Variants in GATC observed in about 807,000 individuals in gnomAD.
The protein encoded by GATC is glutamyl-tRNA(Gln) amidotransferase subunit C, mitochondrial.
A neutral mutation model predicts 14.4 loss-of-function variants in GATC; 11 were observed. That is an observed-to-expected ratio of 0.77 (90% confidence interval 0.48 to 1.27). The LOEUF (loss-of-function observed/expected upper bound fraction) is 1.27. Ranked by LOEUF, GATC falls within the 50% of genes most tolerant of loss-of-function variation. The pLI, the probability that GATC is intolerant of heterozygous loss-of-function variation, is 0.00. For synonymous variants in GATC, 76 were observed against 79.3 expected, an observed-to-expected ratio of 0.96 and a Z score of 0.22; for missense variants, 204 against 183.0, an observed-to-expected ratio of 1.11 and a Z score of -0.66.
In GATC at chr12:120,457,104, G is replaced by A. The variant is rs1878205976; in HGVS notation, c.283G>A (p.Val95Ile). ...RCLYLRSDNV[V>I]EGNCADELLQ... ...TCTATACCTGAGATCCGACAATGTG[G>A]TAGAAGGCAACTGTGCTGATGAATT... The change falls in exon 3 of 4, where the codon GTA (valine) becomes ATA (isoleucine). Residue 95 changes from valine (V) to isoleucine (I), a missense_variant. Coordinates refer to ENST00000551765, the MANE Select transcript of GATC (RefSeq NM_176818.3). 2.5e-6 allele frequency: 4 copies of A among 1,613,852 alleles called. No individual in the cohort carries two copies. The highest frequency in any genetic ancestry group is 2.5e-6 in the Non-Finnish European group (3 of 1,179,892).
At chr12:120,449,002 G>A (rs1371717053) in intron 2 of GATC, among the ~76,000 whole-genome samples, 9 of 146,098 alleles carry the variant, frequency 6.2e-5, no homozygotes, top group Non-Finnish European at 1.2e-4. Flanking sequence ...TCGCTCTGTC[G>A]CTGAGGCTGG....
At position 120,461,335 on chromosome 12, in the gene GATC, C is replaced by T. The variant is rs1271769632; in HGVS notation, c.*1376C>T. ...CGTGAACTCCTGGCCTCAAGGGATC[C>T]TCTGGCATGCCTTGGCCTCCCAAAG... On this transcript the variant is annotated 3_prime_UTR_variant, in exon 4 of 4. Transcript: ENST00000551765. The T allele has an allele frequency of 3.3e-5, 5 of 152,094 alleles. No individual in the cohort carries two copies. The highest frequency in any genetic ancestry group is 5.9e-5 in the Non-Finnish European group (4 of 68,012). 9.4% of individuals were successfully genotyped at this position (152,094 alleles called of 1,614,324 possible). A position where few individuals can be genotyped will look rare whatever the true frequency, so the allele number is the denominator to read the frequency against.
Position 120,446,514 on chromosome 12 carries a change from GC to G in GATC, c.38del (p.Pro13LeufsTer24). 1 of 1,605,412 alleles carries G rather than the reference GC, an allele frequency of 6.2e-7. No individual in the cohort carries two copies. On this transcript the variant is annotated frameshift_variant, in exon 1 of 4. Transcript: ENST00000551765. LOFTEE classifies it high-confidence loss of function. Reference sequence around the variant, plus strand: ...GCGGTTGGTGTGGCTGGGCCTTCGGGCCCCTCTGGGCGGGCGCCAGGGCTTC... The same window carrying G: ...GCGGTTGGTGTGGCTGGGCCTTCGGGCCCTCTGGGCGGGCGCCAGGGCTTC... ...WSRLVWLGLR[A>X]PLGGRQGFTS...
chr12:120,462,470 A>C lies in GATC; in HGVS notation c.*2511A>C. The C allele has an allele frequency of 4.5e-6, 1 of 224,522 alleles. No homozygotes were observed. Among genetic ancestry groups the C allele is most frequent in the Non-Finnish European group, 8.9e-6 (1 of 112,388 alleles). The allele number at this position is 224,522 out of a possible 1,614,324, so 13.9% of individuals were successfully genotyped here. On this transcript the variant is annotated 3_prime_UTR_variant, in exon 4 of 4. Coordinates refer to ENST00000551765, the MANE Select transcript of GATC (RefSeq NM_176818.3). Reference sequence around the variant, plus strand: ...CAATATATCTGAATTACTGCCATTGACCCCCCTCAAAGCTAAGAACTGGAA... The same window carrying C: ...CAATATATCTGAATTACTGCCATTGCCCCCCCTCAAAGCTAAGAACTGGAA...
rs1244259147 is a variant in GATC at position 120,460,230 on chromosome 12, A to G, written c.*271A>G. The G allele has an allele frequency of 1.4e-5, 4 of 295,320 alleles. No individual in the cohort carries two copies. Among genetic ancestry groups the G allele is most frequent in the African/African-American group, 2.2e-5 (1 of 44,892 alleles). 18.3% of individuals were successfully genotyped at this position (295,320 alleles called of 1,614,324 possible). A position where few individuals can be genotyped will look rare whatever the true frequency, so the allele number is the denominator to read the frequency against. ...AACAGGCCTGTTCAGTATGGAAGAC[A>G]TTATTTATCTGCCTTTAACTCCCCC... On this transcript the variant is annotated 3_prime_UTR_variant, in exon 4 of 4. Coordinates refer to ENST00000551765, the MANE Select transcript of GATC (RefSeq NM_176818.3).
At chr12:120,451,916 C>T (rs1207404520) in intron 2 of GATC, among the ~76,000 whole-genome samples, 3 of 107,602 alleles carry the variant, frequency 2.8e-5, no homozygotes, top group African/African-American at 7.6e-5. Context: ...CTCACTCTGT[C>T]GTCCAGGCTG....
At chr12:120,446,893 G>T in intron 2 of GATC, 64 bp downstream of exon 2, 1 of 1,470,134 alleles carries the variant, frequency 6.8e-7, no homozygotes, top group Non-Finnish European at 9.2e-7. Flanking sequence ...TTAATGTGAC[G>T]ATTAGCGAAC....
Position 120,463,663 on chromosome 12 carries a change from A to T in GATC, c.*3704A>T, listed in dbSNP as rs2137049504. On this transcript the variant is annotated 3_prime_UTR_variant, in exon 4 of 4. Coordinates refer to ENST00000551765, the MANE Select transcript of GATC (RefSeq NM_176818.3). ...ATGGGGTGGTATGAAGACCGACTGCACTAGTATTCTCTCCAGGTTACAAAT... is the reference window on the plus strand; with the variant it reads ...ATGGGGTGGTATGAAGACCGACTGCTCTAGTATTCTCTCCAGGTTACAAAT... The T allele has an allele frequency of 3.9e-6, 1 of 257,976 alleles. No individual in the cohort carries two copies. The allele number at this position is 257,976 out of a possible 1,614,324, so 16.0% of individuals were successfully genotyped here. A position where few individuals can be genotyped will look rare whatever the true frequency, so the allele number is the denominator to read the frequency against.
In GATC at chr12:120,457,125, G is replaced by C. The variant is rs202180296; in HGVS notation, c.304G>C (p.Glu102Gln). 8.7e-6 allele frequency: 14 copies of C among 1,614,098 alleles called. No individual in the cohort carries two copies. The highest frequency in any genetic ancestry group is 1.1e-5 in the Non-Finnish European group (13 of 1,179,990). ...DNVVEGNCAD[E>Q]LLQNSHRVVE... The stretch of plus-strand genomic sequence containing the variant: ...TGTGGTAGAAGGCAACTGTGCTGAT[G>C]AATTACTACAAAACTCCCATCGCGT... Residue 102 changes from glutamate to glutamine, a missense_variant, in exon 3 of 4, where the codon GAA becomes CAA. Coordinates refer to ENST00000551765, the MANE Select transcript of GATC (RefSeq NM_176818.3).
At chr12:120,455,978 G>A (rs1483374153) in intron 2 of GATC, among the ~76,000 whole-genome samples, 13 of 152,248 alleles carry the variant, frequency 8.5e-5, no homozygotes, top group Non-Finnish European at 8.8e-5. Context: ...GAGCCACCGC[G>A]CCCGGCTGAC....
chr12:120,455,702 T>A (rs1456111534), intron 2 of GATC, among the ~76,000 whole-genome samples: 1 of 152,046 alleles, frequency 6.6e-6, no homozygotes, highest in Non-Finnish European at 1.5e-5. Flanking sequence ...CTCTTTTTTT[T>A]TGAGGCAGAG....
intron 3 of GATC, 66 bp from the exon 4 acceptor site, chr12:120,459,841 C>T (rs1025301987): frequency 3.1e-5 from 40 of 1,281,056 alleles, no homozygotes; most frequent in African/African-American, 4.4e-5. Context: ...TGGGCAACAG[C>T]GAGACTCTGT....
intron 3 of GATC, 57 bp downstream of exon 3, chr12:120,457,236 G>A: frequency 7.7e-7 from 1 of 1,291,402 alleles, no homozygotes; most frequent in Non-Finnish European, 1.1e-6. Context: ...TAGGAATGAA[G>A]CAGGAAGCAT....
rs138192000 is a variant in GATC, at chr12:120,447,843, C to A, written c.254+1014C>A. Among the ~76,000 whole-genome samples the A allele has an allele frequency of 7.8e-3, 1,185 of 152,198 alleles. 22 individuals are homozygous for A. The highest frequency in any genetic ancestry group is 0.027 in the African/African-American group (1,115 of 41,512). The stretch of plus-strand genomic sequence containing the variant: ...TGATCTCAGCTCATTGTAATGTCCA[C>A]CTCCCAGACTCAAGAGAGCCTCCCA... On this transcript the variant is annotated intron_variant, in intron 2 of 3. Transcript: ENST00000551765.
At position 120,463,257 on chromosome 12, in the gene GATC, T is replaced by A. The variant is rs1451751525; in HGVS notation, c.*3298T>A. On this transcript the variant is annotated 3_prime_UTR_variant, in exon 4 of 4. Transcript: ENST00000551765. Reference sequence around the variant, plus strand: ...GAACTACTGAGTCTGAAGGGTGACATAATCAACCACAAGAAAATGTTACGG... The same window carrying A: ...GAACTACTGAGTCTGAAGGGTGACAAAATCAACCACAAGAAAATGTTACGG... 2 of 152,086 alleles carry A rather than the reference T, an allele frequency of 1.3e-5. No homozygotes were observed. The highest frequency in any genetic ancestry group is 2.9e-5 in the Non-Finnish European group (2 of 68,024). 9.4% of individuals were successfully genotyped at this position (152,086 alleles called of 1,614,324 possible). A position where few individuals can be genotyped will look rare whatever the true frequency, so the allele number is the denominator to read the frequency against.
chr12:120,449,031 T>TG (rs1423045367), intron 2 of GATC, among the ~76,000 whole-genome samples: 1 of 150,892 alleles, frequency 6.6e-6, no homozygotes, highest in African/African-American at 2.4e-5. Context: ...GGCGTGATCT[T>TG]GGCTCACTGC....
chr12:120,452,956 G>T (rs1276007483), intron 2 of GATC, among the ~76,000 whole-genome samples: 1 of 152,126 alleles, frequency 6.6e-6, no homozygotes, highest in Non-Finnish European at 1.5e-5. Context: ...TCGGCCTCCT[G>T]AAGTGTTGGG....
chr12:120,448,811 A>G (rs537274816), intron 2 of GATC, among the ~76,000 whole-genome samples: 6 of 150,156 alleles, frequency 4.0e-5, no homozygotes, highest in African/African-American at 1.2e-4. Context: ...ACGCCCAGCT[A>G]ATTTTTGTAT....
chr12:120,446,676 C>T lies in GATC; in HGVS notation c.101C>T (p.Ala34Val). 6.2e-7 allele frequency: 1 copy of T among 1,612,844 alleles called. No homozygotes were observed. The highest frequency in any genetic ancestry group is 8.5e-7 in the Non-Finnish European group (1 of 1,179,528). The stretch of plus-strand genomic sequence containing the variant: ...CTCCAGGGCAGTGGCCGGATCACGG[C>T]TGCGGTGATCGAGCACCTGGAGCGT... The part of the protein sequence containing the change: ...ADPQGSGRIT[A>V]AVIEHLERLA... The change falls in exon 2 of 4, where the codon GCT becomes GTT. Residue 34 changes from alanine (A) to valine (V), a missense_variant. Ala to Val is a moderately conservative substitution (Grantham distance 64). Transcript: ENST00000551765.
Sources: allele counts gnomAD v4.1 joint callset (sites outside exome capture counted in the v4.1 genomes callset), GRCh38; gene constraint gnomAD v4.1.1; transcripts MANE v1.5; gene names NCBI Gene and HGNC (gene_info 2026-07-23, HGNC 2026-07-21).